VRK2: variants seen among roughly 807,000 people sequenced by gnomAD.
VRK2 encodes the protein serine/threonine-protein kinase VRK2.
In VRK2, 60 loss-of-function variants were observed where a neutral mutation model predicts 57.6. That is an observed-to-expected ratio of 1.04 (90% CI 0.85 to 1.29). The LOEUF (loss-of-function observed/expected upper bound fraction) is 1.29. Among genes scored for constraint, VRK2 ranks in the 50% most tolerant of loss-of-function variants. VRK2 has a pLI of 0.00. For missense variants in VRK2, 705 were observed against 588.1 expected (o/e 1.20, Z -2.06); for synonymous variants, 231 against 199.2 (o/e 1.16, Z -1.35).
chr2:58,149,996 C>CTTTTTT (rs55783668), intron 12 of VRK2, among the ~76,000 whole-genome samples: 10 of 108,346 alleles, frequency 9.2e-5, no homozygotes, highest in South Asian at 2.9e-4. Context: ...TTTTTCTTTT[C>CTTTTTT]TTTTTTTTTT....
intron 1 of VRK2, among the ~76,000 whole-genome samples, chr2:57,963,423 C>T (rs950378271): frequency 2.0e-5 from 3 of 152,102 alleles, no homozygotes; most frequent in Non-Finnish European, 4.4e-5. Context: ...ATTTCTTTTA[C>T]CATGTTCGGC....
At chr2:58,143,505 G>A (rs557876304) in intron 11 of VRK2, among the ~76,000 whole-genome samples, 161 of 151,966 alleles carry the variant, frequency 1.1e-3, no homozygotes, top group Middle Eastern at 3.4e-3. Flanking sequence ...AAGTGCCCAC[G>A]GCAGTGCAGC....
intron 1 of VRK2, among the ~76,000 whole-genome samples, chr2:57,911,394 T>C (rs1489905067): frequency 6.6e-6 from 1 of 152,168 alleles, no homozygotes; most frequent in Non-Finnish European, 1.5e-5. Context: ...CATTGGCATA[T>C]TGAAAGCCTT....
intron 9 of VRK2, among the ~76,000 whole-genome samples, chr2:58,132,390 T>G (rs1296651432): frequency 6.6e-6 from 1 of 152,224 alleles, no homozygotes; most frequent in Non-Finnish European, 1.5e-5. Flanking sequence ...ATGTTTTCTT[T>G]CTTAAGAAAC....
At chr2:58,077,979 C>G (rs1020895024) in intron 2 of VRK2, among the ~76,000 whole-genome samples, 1 of 152,092 alleles carries the variant, frequency 6.6e-6, no homozygotes, top group African/African-American at 2.4e-5. Context: ...AGCTTGCCCT[C>G]TTTCAGAATC....
chr2:57,929,480 G>T (rs1288725817), intron 1 of VRK2, among the ~76,000 whole-genome samples: 2 of 152,138 alleles, frequency 1.3e-5, no homozygotes, highest in Non-Finnish European at 1.5e-5. Context: ...GCCTAGGACT[G>T]TTCTGGAAAT....
chr2:58,014,557 G>T (rs1673517027), intron 1 of VRK2, among the ~76,000 whole-genome samples: 1 of 152,168 alleles, frequency 6.6e-6, no homozygotes, highest in African/African-American at 2.4e-5. Context: ...CACTTCTGTT[G>T]AATAATCCAA....
At chr2:58,145,216 C>G (rs1426278305) in intron 11 of VRK2, among the ~76,000 whole-genome samples, 1 of 151,962 alleles carries the variant, frequency 6.6e-6, no homozygotes, top group Non-Finnish European at 1.5e-5. Flanking sequence ...AGGTTATTGA[C>G]AGTCAGGCAT....
intron 12 of VRK2, among the ~76,000 whole-genome samples, chr2:58,149,873 G>A (rs1382766848): frequency 2.6e-5 from 4 of 151,388 alleles, no homozygotes; most frequent in African/African-American, 9.7e-5. Context: ...TAGGCATGAT[G>A]TGTTTTCCTG....
At chr2:58,122,982 G>A in intron 7 of VRK2, 119 bp from the exon 8 acceptor site, 3 of 1,310,250 alleles carry the variant, frequency 2.3e-6, no homozygotes, top group Non-Finnish European at 3.0e-6. Flanking sequence ...GCACCATTTG[G>A]TTTAATAAAA....
At chr2:58,053,846 C>T (rs1056276560) in intron 2 of VRK2, among the ~76,000 whole-genome samples, 2 of 152,006 alleles carry the variant, frequency 1.3e-5, no homozygotes, top group African/African-American at 4.8e-5. Flanking sequence ...GCAAATGATA[C>T]TGTGGGAGTG....
intron 7 of VRK2, among the ~76,000 whole-genome samples, chr2:58,093,601 C>G (rs972456604): frequency 8.5e-5 from 13 of 152,070 alleles, no homozygotes; most frequent in African/African-American, 3.1e-4. Context: ...AAATGTTCTC[C>G]CATTTTGTAG....
intron 11 of VRK2, among the ~76,000 whole-genome samples, chr2:58,144,590 T>C (rs1681838098): frequency 6.6e-6 from 1 of 151,960 alleles, no homozygotes; most frequent in Admixed American, 6.6e-5. Context: ...CAAGAATTGG[T>C]AAGCCAATGT....
Position 57,976,132 on chromosome 2 carries a change from T to C in VRK2, c.-438-49533T>C, listed in dbSNP as rs564928729. The stretch of plus-strand genomic sequence containing the variant: ...TGGCTGTGTAGTATTCCATGGTGTA[T>C]ATGTACCACATTTCTTTATTCAGTC... On this transcript the variant is annotated intron_variant, in intron 1 of 15. Transcript: ENST00000417641. 2.0e-5 allele frequency among the ~76,000 whole-genome samples: 3 copies of C among 152,300 alleles called. No individual in the cohort carries two copies. In the South Asian group the frequency reaches 6.2e-4, roughly 32 times the overall value.
rs1346186134 is a variant in VRK2, at chr2:57,940,886, C to CA, written c.-439+33058dup. 1.9e-3 allele frequency among the ~76,000 whole-genome samples: 260 copies of CA among 139,562 alleles called. 2 individuals carry two copies. In the East Asian group the frequency reaches 0.021, roughly 11 times the overall value. 91.6% of individuals were successfully genotyped at this position (139,562 alleles called of 152,430 possible). On this transcript the variant is annotated intron_variant, in intron 1 of 15. Transcript: ENST00000417641. Reference sequence around the variant, plus strand: ...TAGAACTCATCTGCATCCTGCTCTCCAAAAAAAAAAAGACCCAAATAAAAA... The same window carrying CA: ...TAGAACTCATCTGCATCCTGCTCTCCAAAAAAAAAAAAGACCCAAATAAAAA...
At chr2:58,000,099 T>C (rs1673047359) in intron 1 of VRK2, among the ~76,000 whole-genome samples, 1 of 152,222 alleles carries the variant, frequency 6.6e-6, no homozygotes. Flanking sequence ...CCCCCATGCA[T>C]TCAATTATTT....
intron 11 of VRK2, among the ~76,000 whole-genome samples, chr2:58,143,088 CG>C (rs1311343578): frequency 6.6e-6 from 1 of 151,720 alleles, no homozygotes; most frequent in Non-Finnish European, 1.5e-5. Context: ...TAGAATTTAA[CG>C]GTTTACAAAA....
chr2:58,131,414 C>T (rs569526115), intron 8 of VRK2, among the ~76,000 whole-genome samples: 1 of 151,854 alleles, frequency 6.6e-6, no homozygotes, highest in Non-Finnish European at 1.5e-5. Flanking sequence ...ACCCTATGGA[C>T]TTCCTGGAAC....
At chr2:58,045,691 A>G (rs1674687525), upstream of VRK2, among the ~76,000 whole-genome samples, 1 of 152,190 alleles carries the variant, frequency 6.6e-6, no homozygotes, top group African/African-American at 2.4e-5. Flanking sequence ...CCAATTCCTT[A>G]TTCTATCAAA....
Sources: gnomAD v4.1 joint callset for allele counts (sites outside exome capture counted in the v4.1 genomes callset) on GRCh38, gnomAD v4.1.1 for gene constraint, MANE v1.5 for transcripts, NCBI Gene and HGNC (gene_info 2026-07-23, HGNC 2026-07-21) for gene names.